TBC1D30: variants seen among roughly 807,000 people sequenced by gnomAD.
The protein encoded by TBC1D30 is TBC1 domain family, member 30.
TBC1D30 carries 31 observed loss-of-function variants against 63.2 expected under a neutral mutation model. The ratio of observed to expected loss-of-function variants is 0.49; its 90% CI spans 0.37 to 0.66. The LOEUF (loss-of-function observed/expected upper bound fraction) is 0.66, where lower values mean the gene tolerates loss of function less well. Among genes scored for constraint, TBC1D30 ranks in the 30% least tolerant of loss-of-function variants. TBC1D30 has a pLI of 0.00. For missense variants in TBC1D30, 810 were observed against 953.6 expected (o/e 0.85, Z 1.98); for synonymous variants, 307 against 361.5 (o/e 0.85, Z 1.71).
chr12:64,836,753 CAGCT>C, intron 6 of TBC1D30, 95 bp downstream of exon 6: 12 of 1,228,106 alleles, frequency 9.8e-6, no homozygotes, highest in African/African-American at 1.5e-5. Context: ...TATGTATTTC[CAGCT>C]ATTTTTGTAA....
At chr12:64,855,423 A>G (rs1022168841) in intron 8 of TBC1D30, among the ~76,000 whole-genome samples, 2 of 152,092 alleles carry the variant, frequency 1.3e-5, no homozygotes, top group Admixed American at 6.5e-5. Flanking sequence ...TCCTATCCCT[A>G]TCTCTTTCTC....
At chr12:64,764,935 A>G (rs984905100) in intron 1 of TBC1D30, among the ~76,000 whole-genome samples, 14 of 152,210 alleles carry the variant, frequency 9.2e-5, no homozygotes, top group African/African-American at 1.4e-4. Context: ...AGCCAGCCAT[A>G]GGGGAAAGTC....
intron 8 of TBC1D30, among the ~76,000 whole-genome samples, chr12:64,856,860 C>G (rs1327720918): frequency 2.0e-5 from 3 of 152,184 alleles, no homozygotes; most frequent in African/African-American, 7.2e-5. Flanking sequence ...AGAGCTTCTA[C>G]CTGTGGCCAC....
At chr12:64,864,941 A>G (rs182656308) in intron 9 of TBC1D30, among the ~76,000 whole-genome samples, 161 bp downstream of exon 9, 2 of 152,252 alleles carry the variant, frequency 1.3e-5, no homozygotes, top group East Asian at 3.9e-4. Context: ...AACTCAAGAG[A>G]GATTTTTAAA....
At chr12:64,821,193 C>G (rs1873864061), upstream of TBC1D30, among the ~76,000 whole-genome samples, 1 of 152,212 alleles carries the variant, frequency 6.6e-6, no homozygotes, top group Non-Finnish European at 1.5e-5. Context: ...AGGTTACTGA[C>G]TGGTAAGTGA....
chr12:64,819,365 A>C (rs539306193), intron 2 of TBC1D30, among the ~76,000 whole-genome samples: 5 of 144,564 alleles, frequency 3.5e-5, no homozygotes, highest in African/African-American at 1.3e-4. Flanking sequence ...CAATGCTCAT[A>C]GTCTGTGGAC....
intron 2 of TBC1D30, among the ~76,000 whole-genome samples, chr12:64,807,512 A>T (rs1188587443): frequency 1.3e-5 from 2 of 152,186 alleles, no homozygotes; most frequent in Non-Finnish European, 2.9e-5. Context: ...GTGTACACAC[A>T]AAAGGGGTAA....
chr12:64,865,968 C>A (rs1233276698), intron 9 of TBC1D30, among the ~76,000 whole-genome samples: 1 of 152,142 alleles, frequency 6.6e-6, no homozygotes, highest in African/African-American at 2.4e-5. Flanking sequence ...CTTCCAGGCT[C>A]AAGTGATTTT....
intron 7 of TBC1D30, 55 bp from the exon 8 acceptor site, chr12:64,843,325 T>TGGTATGCCC (rs1876064129): frequency 6.9e-7 from 1 of 1,440,710 alleles, no homozygotes; most frequent in Admixed American, 2.0e-5. Flanking sequence ...GCATGTACTG[T>TGGTATGCCC]TACACAGCAT....
chr12:64,839,926 A>G (rs1033789119), intron 7 of TBC1D30, among the ~76,000 whole-genome samples: 6 of 147,908 alleles, frequency 4.1e-5, no homozygotes, highest in African/African-American at 1.5e-4. Flanking sequence ...AATGGCGTGA[A>G]CCCAGGGGAC....
chr12:64,866,627 A>T lies in TBC1D30; in HGVS notation c.1152-137A>T, dbSNP rs1000270488. ...TAATTTTTATATATTTTTAGCAGAG[A>T]TGGGGTTTCACAATGTTAATTATAT... On this transcript the variant is annotated intron_variant, in intron 9 of 11. Coordinates refer to ENST00000539867, the MANE Select transcript of TBC1D30 (RefSeq NM_015279.2). 5 of 838,310 alleles carry T rather than the reference A, an allele frequency of 6.0e-6. No homozygotes were observed. The African/African-American group carries it at 8.6e-5, about 14-fold the overall frequency. 51.9% of individuals were successfully genotyped at this position (838,310 alleles called of 1,614,324 possible).
At chr12:64,866,640 A>G (rs1340336008) in intron 9 of TBC1D30, 124 bp from the exon 10 acceptor site, 4 of 964,912 alleles carry the variant, frequency 4.1e-6, no homozygotes, top group East Asian at 2.7e-5. Flanking sequence ...GGGTTTCACA[A>G]TGTTAATTAT....
chr12:64,823,360 G>T (rs1472774950), upstream of TBC1D30, among the ~76,000 whole-genome samples: 1 of 152,204 alleles, frequency 6.6e-6, no homozygotes, highest in Non-Finnish European at 1.5e-5. Flanking sequence ...ACTTAAGAGA[G>T]AATTATTTTT....
chr12:64,803,876 G>A (rs1872719629), intron 2 of TBC1D30, among the ~76,000 whole-genome samples: 1 of 152,188 alleles, frequency 6.6e-6, no homozygotes, highest in Non-Finnish European at 1.5e-5. Context: ...TTTGGTACCA[G>A]TATCATGCTG....
At chr12:64,827,789 G>A in intron 1 of TBC1D30, 46 bp from the exon 2 acceptor site, 1 of 1,309,866 alleles carries the variant, frequency 7.6e-7, no homozygotes, top group Non-Finnish European at 1.1e-6. Context: ...GATATAACTT[G>A]TTATAGTCTC....
upstream of TBC1D30, among the ~76,000 whole-genome samples, chr12:64,777,201 A>G (rs1165445632): frequency 6.6e-6 from 1 of 152,198 alleles, no homozygotes; most frequent in Non-Finnish European, 1.5e-5. Flanking sequence ...CAGGCACAAT[A>G]CAAGGATGCC....
chr12:64,771,649 T>C (rs952280665), intron 1 of TBC1D30, among the ~76,000 whole-genome samples: 1 of 152,078 alleles, frequency 6.6e-6, no homozygotes, highest in African/African-American at 2.4e-5. Flanking sequence ...AAGCCCCAAC[T>C]TGGTTTATAG....
At chr12:64,849,925 T>A (rs1204342360) in intron 8 of TBC1D30, among the ~76,000 whole-genome samples, 1 of 152,234 alleles carries the variant, frequency 6.6e-6, no homozygotes, top group Non-Finnish European at 1.5e-5. Context: ...TTTTTCCATT[T>A]GTTTGTGCCC....
chr12:64,798,940 G>A (rs868474016), intron 2 of TBC1D30, among the ~76,000 whole-genome samples: 58 of 151,698 alleles, frequency 3.8e-4, no homozygotes, highest in African/African-American at 1.4e-3. Context: ...AGCCTCCCGA[G>A]TAGCTGGGAC....
Sources: gnomAD v4.1 joint callset for allele counts (sites outside exome capture counted in the v4.1 genomes callset) on GRCh38, gnomAD v4.1.1 for gene constraint, MANE v1.5 for transcripts, NCBI Gene and HGNC (gene_info 2026-07-23, HGNC 2026-07-21) for gene names.